PARD3: variants seen among roughly 807,000 people sequenced by gnomAD.
PARD3 encodes the protein partitioning defective 3 homolog.
PARD3 carries 75 observed loss-of-function variants against 155.4 expected under a neutral mutation model. The observed-to-expected ratio is 0.48, with a 90% confidence interval of 0.40 to 0.58. PARD3 has a LOEUF of 0.58. Ranked by LOEUF, PARD3 falls within the 20% of genes least tolerant of loss-of-function variation. The pLI is 0.00. For synonymous variants in PARD3, 576 were observed against 610.5 expected, an observed-to-expected ratio of 0.94 and a Z score of 0.83; for missense variants, 1,642 against 1,721.7, an observed-to-expected ratio of 0.95 and a Z score of 0.82.
At chr10:34,349,935 A>AAAG (rs1837860757) in intron 14 of PARD3, among the ~76,000 whole-genome samples, 1 of 152,218 alleles carries the variant, frequency 6.6e-6, no homozygotes, top group Non-Finnish European at 1.5e-5. Flanking sequence ...GAGTACATGC[A>AAAG]GGTTTTCTAG....
chr10:34,791,805 A>G (rs984749546), intron 1 of PARD3, among the ~76,000 whole-genome samples: 3 of 151,474 alleles, frequency 2.0e-5, no homozygotes, highest in African/African-American at 7.3e-5. Flanking sequence ...GCACCACTGC[A>G]CCCTAGCTAA....
intron 2 of PARD3, among the ~76,000 whole-genome samples, chr10:34,664,721 G>C (rs2133182328): frequency 6.6e-6 from 1 of 152,020 alleles, no homozygotes; most frequent in East Asian, 1.9e-4. Context: ...CCTGACCTTA[G>C]GTAATCTGCC....
chr10:34,231,583 C>T (rs1021947379), intron 22 of PARD3, among the ~76,000 whole-genome samples: 5 of 152,114 alleles, frequency 3.3e-5, no homozygotes, highest in Non-Finnish European at 7.4e-5. Flanking sequence ...TCTACCACTC[C>T]CCCTAAACAG....
At chr10:34,425,439 A>G (rs1424356410) in intron 5 of PARD3, among the ~76,000 whole-genome samples, 2 of 152,146 alleles carry the variant, frequency 1.3e-5, no homozygotes, top group African/African-American at 4.8e-5. Context: ...TTTTGGAGAT[A>G]GGGTCTCGCT....
chr10:34,721,486 C>A (rs1390673093), intron 1 of PARD3, among the ~76,000 whole-genome samples: 3 of 152,210 alleles, frequency 2.0e-5, no homozygotes, highest in African/African-American at 7.2e-5. Context: ...TCTCCTCCAA[C>A]CCCATAGCCA....
intron 1 of PARD3, among the ~76,000 whole-genome samples, chr10:34,809,074 A>G (rs548320160): frequency 6.6e-6 from 1 of 152,016 alleles, no homozygotes; most frequent in Admixed American, 6.5e-5. Context: ...AGCTGATACG[A>G]AAGAGTAACT....
At chr10:34,653,396 A>G (rs966350145) in intron 2 of PARD3, among the ~76,000 whole-genome samples, 10 of 152,108 alleles carry the variant, frequency 6.6e-5, no homozygotes, top group African/African-American at 1.9e-4. Context: ...TCAGTCCCTC[A>G]ACAAAAACAG....
At chr10:34,318,182 AACG>A (rs1192330357) in intron 19 of PARD3, among the ~76,000 whole-genome samples, 1 of 152,192 alleles carries the variant, frequency 6.6e-6, no homozygotes, top group Non-Finnish European at 1.5e-5. Flanking sequence ...CAGTTGAAAG[AACG>A]ACAAGTAACT....
At position 34,382,637 on chromosome 10, in the gene PARD3, AGC is replaced by A; in HGVS notation, c.1300_1301del (p.Ala434SerfsTer10). ...SAHPSGKPPS[A>X]PASAPQNVFS... is the part of the protein sequence containing the mutation. ...ATACATTCTGAGGTGCCGAGGCTGG[AGC>A]GGATGGTGGTTTTCCCGAGGGGTGT... On this transcript the variant is annotated frameshift_variant, in exon 9 of 25. Coordinates refer to ENST00000374788, the MANE Select transcript of PARD3 (RefSeq NM_001184785.2). LOFTEE classifies it high-confidence loss of function. The A allele has an allele frequency of 6.2e-7, 1 of 1,613,990 alleles. No individual in the cohort carries two copies. Among genetic ancestry groups the A allele is most frequent in the Non-Finnish European group, 8.5e-7 (1 of 1,180,004 alleles).
At chr10:34,636,737 G>GA (rs1365456903) in intron 2 of PARD3, among the ~76,000 whole-genome samples, 1 of 152,158 alleles carries the variant, frequency 6.6e-6, no homozygotes, top group Non-Finnish European at 1.5e-5. Flanking sequence ...TTCATGCCTG[G>GA]AGAAAAGGTG....
chr10:34,734,716 A>C lies in PARD3; in HGVS notation c.121-38297T>G, dbSNP rs550495411. On this transcript the variant is annotated intron_variant, in intron 1 of 24. Transcript: ENST00000374788. ...TAGGTCCCTACCTTACCAAATACAA[A>C]ATCAATCCCATATGAATTCAAGATT... 5.9e-5 allele frequency among the ~76,000 whole-genome samples: 9 copies of C among 152,194 alleles called. No homozygotes were observed. The South Asian group carries it at 1.9e-3, about 32-fold the overall frequency.
intron 5 of PARD3, among the ~76,000 whole-genome samples, chr10:34,422,195 A>G (rs1277439281): frequency 6.6e-6 from 1 of 150,848 alleles, no homozygotes; most frequent in Non-Finnish European, 1.5e-5. Flanking sequence ...AGAAAGGCTG[A>G]GATTTAAAGC....
At chr10:34,543,393 AAAG>A (rs1308557714) in intron 2 of PARD3, among the ~76,000 whole-genome samples, 6 of 152,202 alleles carry the variant, frequency 3.9e-5, no homozygotes, top group Non-Finnish European at 7.4e-5. Context: ...TGAAAACTGA[AAAG>A]AAGAAGAAAA....
Position 34,723,314 on chromosome 10 carries a change from A to G in PARD3, c.121-26895T>C, listed in dbSNP as rs191413036. Among the ~76,000 whole-genome samples the G allele has an allele frequency of 2.0e-5, 3 of 152,320 alleles. No individual in the cohort carries two copies. In the East Asian group the frequency reaches 5.8e-4, roughly 29 times the overall value. On this transcript the variant is annotated intron_variant, in intron 1 of 24. Transcript: ENST00000374788. The stretch of plus-strand genomic sequence containing the variant: ...GTCTGGGGGACAAAAAAGAAATCAT[A>G]TATTGACTTGAAAGGTTAGAGGATG...
At chr10:34,737,194 G>A (rs1022713406) in intron 1 of PARD3, among the ~76,000 whole-genome samples, 10 of 152,228 alleles carry the variant, frequency 6.6e-5, no homozygotes, top group Non-Finnish European at 1.3e-4. Flanking sequence ...TGTTTATTTA[G>A]GTGGTTGAGC....
At chr10:34,721,438 G>A (rs1245852162) in intron 1 of PARD3, among the ~76,000 whole-genome samples, 2 of 152,202 alleles carry the variant, frequency 1.3e-5, no homozygotes, top group African/African-American at 4.8e-5. Flanking sequence ...GTGTGCCTGG[G>A]CAGCCGGCAA....
chr10:34,470,252 G>A lies in PARD3; in HGVS notation c.415C>T (p.His139Tyr), dbSNP rs778567435. 5 of 1,599,980 alleles carry A rather than the reference G, an allele frequency of 3.1e-6. No homozygotes were observed. The highest frequency in any genetic ancestry group is 4.3e-6 in the Non-Finnish European group (5 of 1,172,426). Reference protein sequence around the residue: ...PSVLRANMPLHVRRSSDPALI... With the variant: ...PSVLRANMPLYVRRSSDPALI... ...GCTGGGTCACTACTGCGTCGAACAT[G>A]AAGAGGCATATCTGTAAACACAAAA... is the stretch of plus-strand genomic sequence containing the variant. Residue 139 changes from histidine to tyrosine, a missense_variant, in exon 4 of 25, where the codon CAT becomes TAT. By Grantham distance (83) the His-to-Tyr change is moderately conservative. This residue lies in a region of PARD3 where 1,529 missense variants were observed against 1,587.3 expected (regional missense o/e 0.96). Coordinates refer to ENST00000374788, the MANE Select transcript of PARD3 (RefSeq NM_001184785.2).
intron 1 of PARD3, among the ~76,000 whole-genome samples, chr10:34,749,004 C>T (rs1835656149): frequency 1.3e-5 from 2 of 152,210 alleles, no homozygotes; most frequent in Admixed American, 1.3e-4. Context: ...TGATGCACAA[C>T]TGGCTGTTAA....
chr10:34,613,423 AT>A (rs1490986285), intron 2 of PARD3, among the ~76,000 whole-genome samples: 3 of 152,236 alleles, frequency 2.0e-5, no homozygotes, highest in Non-Finnish European at 2.9e-5. Flanking sequence ...CATCTGTGCA[AT>A]TACGAAGTAT....
Sources: allele counts gnomAD v4.1 joint callset (sites outside exome capture counted in the v4.1 genomes callset), GRCh38; gene constraint gnomAD v4.1.1; regional missense constraint gnomAD v4.1.1; transcripts MANE v1.5; gene names NCBI Gene and HGNC (gene_info 2026-07-23, HGNC 2026-07-21).